Variants in LRRC3B observed in about 807,000 individuals in gnomAD.
LRRC3B encodes the protein leucine-rich repeat-containing protein 3B.
LRRC3B carries 2 observed loss-of-function variants against 12.8 expected under a neutral mutation model. The ratio of observed to expected loss-of-function variants is 0.16; its 90% CI spans 0.06 to 0.49. LRRC3B has a LOEUF of 0.49. Among genes scored for constraint, LRRC3B ranks in the 20% least tolerant of loss-of-function variants. The pLI, the probability that LRRC3B is intolerant of heterozygous loss-of-function variation, is 0.96. For synonymous variants in LRRC3B, 132 were observed against 122.0 expected (o/e 1.08, Z -0.54); for missense variants, 189 against 319.4 (o/e 0.59, Z 3.11).
At chr3:26,643,258 G>GTA (rs1553601873) in intron 1 of LRRC3B, among the ~76,000 whole-genome samples, 4 of 135,168 alleles carry the variant, frequency 3.0e-5, no homozygotes, top group East Asian at 2.2e-4. Context: ...ATGTGTGAGT[G>GTA]TGTGTGTGTG....
At chr3:26,675,076 A>G (rs1699829291) in intron 1 of LRRC3B, among the ~76,000 whole-genome samples, 1 of 152,152 alleles carries the variant, frequency 6.6e-6, no homozygotes, top group African/African-American at 2.4e-5. Context: ...TCTTTCTTTG[A>G]TCTTTGTTTT....
At chr3:26,644,516 C>G (rs1453111325) in intron 1 of LRRC3B, among the ~76,000 whole-genome samples, 1 of 152,116 alleles carries the variant, frequency 6.6e-6, no homozygotes, top group Non-Finnish European at 1.5e-5. Flanking sequence ...TGCAAAGCAA[C>G]TGACCCTGGA....
At chr3:26,639,126 T>C (rs187536595) in intron 1 of LRRC3B, among the ~76,000 whole-genome samples, 30 of 152,326 alleles carry the variant, frequency 2.0e-4, no homozygotes, top group African/African-American at 7.0e-4. Flanking sequence ...CACTGTTCAA[T>C]ACAAATATAA....
chr3:26,694,515 C>A (rs1700261268), intron 1 of LRRC3B: 1 of 152,176 alleles, frequency 6.6e-6, no homozygotes, highest in Admixed American at 6.5e-5. Flanking sequence ...GTATTCAGAG[C>A]TAATAATATT....
chr3:26,653,097 CAAA>C (rs58039696), intron 1 of LRRC3B, among the ~76,000 whole-genome samples: 39,295 of 116,930 alleles, frequency 0.34, 6,667 homozygotes, highest in African/African-American at 0.53. Context: ...CTTGTGGGAT[CAAA>C]AAAAAAAAAA....
intron 1 of LRRC3B, among the ~76,000 whole-genome samples, chr3:26,657,877 G>A (rs1200231779): frequency 2.0e-5 from 3 of 152,114 alleles, no homozygotes; most frequent in South Asian, 2.1e-4. Context: ...CTGGGTTGTT[G>A]CAGGTGAGGC....
At chr3:26,669,127 G>A (rs79037676) in intron 1 of LRRC3B, among the ~76,000 whole-genome samples, 4 of 152,212 alleles carry the variant, frequency 2.6e-5, no homozygotes, top group Admixed American at 6.5e-5. Flanking sequence ...AGAATAGCTT[G>A]CTGTCATTAG....
At chr3:26,646,766 C>T (rs1699159714) in intron 1 of LRRC3B, among the ~76,000 whole-genome samples, 1 of 152,026 alleles carries the variant, frequency 6.6e-6, no homozygotes, top group African/African-American at 2.4e-5. Flanking sequence ...CTGTTTCCAC[C>T]TGTGTGAACC....
intron 1 of LRRC3B, among the ~76,000 whole-genome samples, chr3:26,682,664 G>A (rs1699995013): frequency 6.6e-6 from 1 of 152,128 alleles, no homozygotes; most frequent in African/African-American, 2.4e-5. Context: ...TGCTCCTTTT[G>A]GTGGGGCTGT....
intron 1 of LRRC3B, among the ~76,000 whole-genome samples, chr3:26,696,353 A>G (rs1370085850): frequency 1.3e-5 from 2 of 152,178 alleles, no homozygotes; most frequent in Non-Finnish European, 2.9e-5. Flanking sequence ...TTTTAGCGCT[A>G]TTTGTAAAAT....
chr3:26,708,564 G>A (rs1432816507), intron 1 of LRRC3B, among the ~76,000 whole-genome samples: 1 of 152,138 alleles, frequency 6.6e-6, no homozygotes, highest in East Asian at 1.9e-4. Context: ...TGGTCCCAAA[G>A]ATGTGTGCTT....
intron 1 of LRRC3B, among the ~76,000 whole-genome samples, chr3:26,682,969 TGA>T (rs1700001129): frequency 6.6e-6 from 1 of 152,238 alleles, no homozygotes; most frequent in Admixed American, 6.5e-5. Flanking sequence ...CATGTAAGAA[TGA>T]CACACAAAAA....
At chr3:26,625,631 A>T (rs1208564812) in intron 1 of LRRC3B, 1 of 152,214 alleles carries the variant, frequency 6.6e-6, no homozygotes, top group African/African-American at 2.4e-5. Flanking sequence ...TTCTTTTTGC[A>T]TGTAGAAACA....
At chr3:26,635,789 C>G (rs966822231) in intron 1 of LRRC3B, among the ~76,000 whole-genome samples, 1 of 152,176 alleles carries the variant, frequency 6.6e-6, no homozygotes, top group Admixed American at 6.5e-5. Flanking sequence ...TACCACCAGC[C>G]TGGCACATAA....
At chr3:26,696,787 A>G (rs1700328973) in intron 1 of LRRC3B, among the ~76,000 whole-genome samples, 1 of 152,154 alleles carries the variant, frequency 6.6e-6, no homozygotes, top group African/African-American at 2.4e-5. Context: ...AAAGTCTTGT[A>G]CACCTCAATG....
At chr3:26,664,254 A>T (rs1015595441) in intron 1 of LRRC3B, among the ~76,000 whole-genome samples, 2 of 152,070 alleles carry the variant, frequency 1.3e-5, no homozygotes, top group Admixed American at 6.6e-5. Flanking sequence ...CACATTCAGG[A>T]GTGAGCTTGG....
rs73059387 is a variant in LRRC3B, at chr3:26,709,638, G to A, written c.-35G>A. On this transcript the variant is annotated 5_prime_UTR_variant, in exon 2 of 2. It removes an upstream start codon present in the reference 5' UTR. Coordinates refer to ENST00000396641, the Ensembl canonical transcript of LRRC3B. Reference sequence around the variant, plus strand: ...CTTTACCACGCTTGTTGGAGTAGATGAGGAATGGGCTCGTGATTATGCTGA... The same window carrying A: ...CTTTACCACGCTTGTTGGAGTAGATAAGGAATGGGCTCGTGATTATGCTGA... 22,961 of 1,596,618 alleles carry A rather than the reference G, an allele frequency of 0.014. 211 individuals carry two copies. Among genetic ancestry groups the A allele is most frequent in the Non-Finnish European group, 0.017 (19,513 of 1,169,726 alleles).
chr3:26,645,578 G>T (rs1053518475), intron 1 of LRRC3B, among the ~76,000 whole-genome samples: 1 of 152,000 alleles, frequency 6.6e-6, no homozygotes, highest in Non-Finnish European at 1.5e-5. Flanking sequence ...ATATACACAT[G>T]TATAATTTTC....
At chr3:26,690,942 G>T (rs959240113) in intron 1 of LRRC3B, among the ~76,000 whole-genome samples, 1 of 151,096 alleles carries the variant, frequency 6.6e-6, no homozygotes, top group South Asian at 2.1e-4. Context: ...TGACTTCATT[G>T]TTCTACAAAT....
Sources: gnomAD v4.1 joint callset for allele counts (sites outside exome capture counted in the v4.1 genomes callset) on GRCh38, gnomAD v4.1.1 for gene constraint, MANE v1.5 for transcripts, NCBI Gene and HGNC (gene_info 2026-07-23, HGNC 2026-07-21) for gene names.